Variants in RETREG1 observed in about 807,000 individuals in gnomAD.
RETREG1 encodes family with sequence similarity 134 member B.
A neutral mutation model predicts 54.8 loss-of-function variants in RETREG1; 44 were observed. The ratio of observed to expected loss-of-function variants is 0.80; its 90% CI spans 0.63 to 1.03. The LOEUF is 1.03. RETREG1 is among the 50% of genes least tolerant of loss of function. The probability of loss-of-function intolerance (pLI) is 0.00; values close to 1 mark genes in which losing one functional copy is unlikely to be tolerated. For synonymous variants in RETREG1, 217 were observed against 238.5 expected, an observed-to-expected ratio of 0.91 and a Z score of 0.83; for missense variants, 554 against 605.1, an observed-to-expected ratio of 0.92 and a Z score of 0.89.
At chr5:16,583,169 C>G (rs1289521745) in intron 1 of RETREG1, among the ~76,000 whole-genome samples, 1 of 152,120 alleles carries the variant, frequency 6.6e-6, no homozygotes, top group East Asian at 1.9e-4. Flanking sequence ...TTGACCTGCA[C>G]TCAGTGGCTA....
At chr5:16,532,773 A>AG (rs1740951166) in intron 3 of RETREG1, among the ~76,000 whole-genome samples, 1 of 152,324 alleles carries the variant, frequency 6.6e-6, no homozygotes, top group Non-Finnish European at 1.5e-5. Context: ...AATTCCTGTA[A>AG]CATAGCTCAT....
chr5:16,515,681 C>T (rs62369683), intron 3 of RETREG1, among the ~76,000 whole-genome samples: 15,298 of 152,146 alleles, frequency 0.1, 870 homozygotes, highest in Non-Finnish European at 0.11. Flanking sequence ...CAAAGTACAT[C>T]CATTTTATTC....
chr5:16,568,981 C>T (rs935031987), intron 2 of RETREG1, among the ~76,000 whole-genome samples: 2 of 152,124 alleles, frequency 1.3e-5, no homozygotes, highest in African/African-American at 4.8e-5. Flanking sequence ...TTGTCATTGT[C>T]GTTGCTATAA....
intron 8 of RETREG1, among the ~76,000 whole-genome samples, chr5:16,476,852 G>T (rs1738558442): frequency 6.6e-6 from 1 of 152,110 alleles, no homozygotes; most frequent in African/African-American, 2.4e-5. Context: ...CATGGCACAT[G>T]TTGACCTATG....
At chr5:16,615,399 C>CAAAAA (rs35626131) in intron 1 of RETREG1, among the ~76,000 whole-genome samples, 6 of 92,710 alleles carry the variant, frequency 6.5e-5, no homozygotes, top group South Asian at 3.8e-4. Flanking sequence ...GACTCCATCT[C>CAAAAA]AAAAAAAAAA....
intron 1 of RETREG1, among the ~76,000 whole-genome samples, chr5:16,612,187 A>T (rs887911781): frequency 1.3e-5 from 2 of 152,208 alleles, no homozygotes; most frequent in African/African-American, 4.8e-5. Flanking sequence ...GTGGGTGCTG[A>T]TAGAACAGGG....
chr5:16,579,439 A>G (rs144954829), intron 1 of RETREG1, among the ~76,000 whole-genome samples: 107 of 152,320 alleles, frequency 7.0e-4, no homozygotes, highest in African/African-American at 2.5e-3. Context: ...CCCACATGAA[A>G]AGAGCTGGAA....
intron 3 of RETREG1, among the ~76,000 whole-genome samples, chr5:16,525,996 G>T (rs115874225): frequency 6.6e-6 from 1 of 152,158 alleles, no homozygotes; most frequent in African/African-American, 2.4e-5. Flanking sequence ...TTCACACTGC[G>T]GAAGATAATC....
chr5:16,494,110 C>G (rs956144229), intron 3 of RETREG1, among the ~76,000 whole-genome samples: 1 of 152,162 alleles, frequency 6.6e-6, no homozygotes, highest in Non-Finnish European at 1.5e-5. Context: ...AAGGAATACA[C>G]TCTTACTAAG....
chr5:16,532,725 T>C (rs534391403), intron 3 of RETREG1, among the ~76,000 whole-genome samples: 2 of 152,334 alleles, frequency 1.3e-5, no homozygotes, highest in South Asian at 4.1e-4. Flanking sequence ...CTAGGTTCCT[T>C]CATTGTTTAT....
intron 3 of RETREG1, among the ~76,000 whole-genome samples, chr5:16,558,878 TGA>T (rs1741779372): frequency 6.6e-6 from 1 of 152,238 alleles, no homozygotes; most frequent in South Asian, 2.1e-4. Flanking sequence ...GATAAAGATA[TGA>T]GTCATAAATA....
chr5:16,565,592 C>A (rs915231313), intron 3 of RETREG1, among the ~76,000 whole-genome samples, 171 bp downstream of exon 3: 7 of 152,124 alleles, frequency 4.6e-5, no homozygotes, highest in African/African-American at 1.7e-4. Context: ...GTCCCAACTT[C>A]ATCCTTGGCC....
chr5:16,530,208 T>C (rs951253570), intron 3 of RETREG1, among the ~76,000 whole-genome samples: 4 of 152,190 alleles, frequency 2.6e-5, no homozygotes, highest in Non-Finnish European at 5.9e-5. Flanking sequence ...ACTCTTTGCC[T>C]GAAGAGCCAA....
intron 1 of RETREG1, among the ~76,000 whole-genome samples, chr5:16,573,744 T>TG (rs1561125681): frequency 6.6e-5 from 9 of 135,404 alleles, no homozygotes; most frequent in Non-Finnish European, 1.4e-4. Flanking sequence ...TGTTTTTTGT[T>TG]TTTTTTTTTT....
chr5:16,528,513 G>C (rs992631340), intron 3 of RETREG1, among the ~76,000 whole-genome samples: 2 of 152,170 alleles, frequency 1.3e-5, no homozygotes, highest in Non-Finnish European at 2.9e-5. Context: ...ATGGAGGCCA[G>C]TCTCTTCAGG....
chr5:16,570,717 T>C (rs1339675748), intron 2 of RETREG1, among the ~76,000 whole-genome samples: 2 of 152,198 alleles, frequency 1.3e-5, no homozygotes, highest in Non-Finnish European at 2.9e-5. Context: ...AACTCTGGCA[T>C]GAAACCCTGA....
At chr5:16,477,810 C>A in intron 7 of RETREG1, 22 bp from the exon 8 acceptor site, 1 of 1,612,926 alleles carries the variant, frequency 6.2e-7, no homozygotes, top group Non-Finnish European at 8.5e-7. Flanking sequence ...TAAATAAATA[C>A]CAGCGGCACA....
intron 6 of RETREG1, 38 bp from the exon 7 acceptor site, chr5:16,478,136 GC>G: frequency 7.2e-7 from 1 of 1,381,016 alleles, no homozygotes; most frequent in Non-Finnish European, 1.0e-6. Context: ...CAGTTTCCTA[GC>G]CAACTCAGAC....
At chr5:16,524,394 G>C (rs533720250) in intron 3 of RETREG1, among the ~76,000 whole-genome samples, 119 of 152,232 alleles carry the variant, frequency 7.8e-4, no homozygotes, top group Non-Finnish European at 1.3e-3. Flanking sequence ...TTCCATGTGT[G>C]CCACTAGTCC....
Sources: allele counts gnomAD v4.1 joint callset (sites outside exome capture counted in the v4.1 genomes callset), GRCh38; gene constraint gnomAD v4.1.1; transcripts MANE v1.5; gene names NCBI Gene and HGNC (gene_info 2026-07-23, HGNC 2026-07-21).